Variants in GRID2 observed in about 807,000 individuals in gnomAD.
The protein encoded by GRID2 is glutamate ionotropic receptor delta type subunit 2, also known as glutamate receptor ionotropic, delta-2.
In GRID2, 33 loss-of-function variants were observed where a neutral mutation model predicts 114.8. That is an observed-to-expected ratio of 0.29 (90% CI 0.22 to 0.38). GRID2 has a LOEUF of 0.38. GRID2 is among the 10% of genes least tolerant of loss of function. The probability of loss-of-function intolerance (pLI) is 1.00; values close to 1 mark genes in which losing one functional copy is unlikely to be tolerated. For missense variants in GRID2, 1,184 were observed against 1,257.7 expected (o/e 0.94, Z 0.89); for synonymous variants, 505 against 449.9 (o/e 1.12, Z -1.55).
chr4:92,586,524 GT>G (rs931144232), intron 1 of GRID2, among the ~76,000 whole-genome samples: 1 of 151,800 alleles, frequency 6.6e-6, no homozygotes, highest in African/African-American at 2.4e-5. Context: ...ACATAATTAT[GT>G]TTTTTTAACA....
intron 1 of GRID2, among the ~76,000 whole-genome samples, chr4:93,784,276 T>C (rs1036462761): frequency 2.0e-5 from 3 of 152,022 alleles, no homozygotes; most frequent in African/African-American, 7.3e-5. Context: ...TACTAGATGA[T>C]CTTATTAAAT....
intron 1 of GRID2, among the ~76,000 whole-genome samples, chr4:92,493,054 T>C (rs1723221886): frequency 7.0e-6 from 1 of 143,730 alleles, no homozygotes; most frequent in South Asian, 2.1e-4. Flanking sequence ...GCTTGAACCC[T>C]GGAGGCAGAG....
chr4:92,816,448 A>G (rs1273048423), intron 2 of GRID2, among the ~76,000 whole-genome samples: 1 of 151,970 alleles, frequency 6.6e-6, no homozygotes, highest in Non-Finnish European at 1.5e-5. Flanking sequence ...TCATACATTA[A>G]TGCATGTTTC....
chr4:92,852,757 GAAT>G (rs1743916083), intron 2 of GRID2, among the ~76,000 whole-genome samples: 1 of 151,798 alleles, frequency 6.6e-6, no homozygotes, highest in South Asian at 2.1e-4. Flanking sequence ...AACCACACTG[GAAT>G]ATTATGAAGA....
intron 14 of GRID2, among the ~76,000 whole-genome samples, chr4:93,685,345 C>T (rs1247199710): frequency 1.3e-5 from 2 of 152,012 alleles, no homozygotes; most frequent in Non-Finnish European, 2.9e-5. Context: ...GTGCTGTTAC[C>T]TGTCTCTTCC....
intron 10 of GRID2, among the ~76,000 whole-genome samples, chr4:93,454,231 T>C (rs909409183): frequency 1.3e-5 from 2 of 152,074 alleles, no homozygotes; most frequent in African/African-American, 4.8e-5. Flanking sequence ...CAGCAAAATT[T>C]CACACTGTTT....
At chr4:93,808,582 A>G (rs1735075915) in exon 2 of GRID2, 1 of 152,234 alleles carries the variant, frequency 6.6e-6, no homozygotes, top group Non-Finnish European at 1.5e-5. Context: ...CTTCCTGGAT[A>G]TCTAGTTTCA....
chr4:93,615,639 CAA>C (rs58667569), intron 13 of GRID2, among the ~76,000 whole-genome samples: 24 of 117,388 alleles, frequency 2.0e-4, no homozygotes, highest in Non-Finnish European at 2.2e-4. Context: ...GCCTTCACCC[CAA>C]AAAAAAAAAA....
intron 2 of GRID2, among the ~76,000 whole-genome samples, chr4:92,728,986 C>T (rs867986734): frequency 2.6e-4 from 40 of 151,774 alleles, no homozygotes; most frequent in African/African-American, 8.9e-4. Flanking sequence ...TTCCATAGTG[C>T]TTAGGATAAT....
chr4:92,773,314 T>A (rs1001156098), intron 2 of GRID2, among the ~76,000 whole-genome samples: 1 of 152,194 alleles, frequency 6.6e-6, no homozygotes, highest in African/African-American at 2.4e-5. Context: ...TTTAACAGAT[T>A]AGGTTCTAGT....
chr4:93,465,214 C>A (rs990909479), intron 11 of GRID2, among the ~76,000 whole-genome samples: 2 of 152,158 alleles, frequency 1.3e-5, no homozygotes, highest in Non-Finnish European at 2.9e-5. Context: ...GGGTCAAATA[C>A]ATACTAAGTT....
intron 2 of GRID2, among the ~76,000 whole-genome samples, chr4:92,726,724 G>A (rs1736086114): frequency 6.6e-6 from 1 of 152,098 alleles, no homozygotes; most frequent in Non-Finnish European, 1.5e-5. Context: ...AGTTACTAAA[G>A]CAGTTAATCC....
chr4:92,982,022 TAAA>T lies in GRID2; in HGVS notation c.245-102952_245-102950del, dbSNP rs1161216679. On this transcript the variant is annotated intron_variant, in intron 2 of 15. Coordinates refer to ENST00000282020, the MANE Select transcript of GRID2 (RefSeq NM_001510.4). ...GTATCTTCACAGTCTAAAGTACTGG[TAAA>T]AAAAAAAAAAAAAAAAAAAAGAAAA... 7.4e-3 allele frequency among the ~76,000 whole-genome samples: 591 copies of T among 80,174 alleles called. 5 individuals are homozygous for T. Among genetic ancestry groups the T allele is most frequent in the African/African-American group, 0.026 (570 of 21,594 alleles). 52.6% of individuals were successfully genotyped at this position (80,174 alleles called of 152,430 possible).
At chr4:93,555,290 C>G (rs1348641732) in intron 13 of GRID2, among the ~76,000 whole-genome samples, 1 of 152,142 alleles carries the variant, frequency 6.6e-6, no homozygotes, top group African/African-American at 2.4e-5. Flanking sequence ...GGGGCTGAAG[C>G]CAGGGAGCCA....
intron 8 of GRID2, among the ~76,000 whole-genome samples, chr4:93,323,332 G>T (rs1174713976): frequency 1.3e-5 from 2 of 152,062 alleles, no homozygotes; most frequent in Non-Finnish European, 2.9e-5. Flanking sequence ...ATTTTTGTCA[G>T]GTTTGTCAAA....
intron 4 of GRID2, among the ~76,000 whole-genome samples, chr4:93,163,651 A>C (rs1011592390): frequency 6.6e-6 from 1 of 151,396 alleles, no homozygotes; most frequent in East Asian, 1.9e-4. Context: ...ATGACTGTAT[A>C]TTTTTTATGA....
At chr4:93,506,156 T>C (rs1337349128) in intron 12 of GRID2, among the ~76,000 whole-genome samples, 1 of 152,170 alleles carries the variant, frequency 6.6e-6, no homozygotes, top group Non-Finnish European at 1.5e-5. Context: ...CATCTACCCT[T>C]CCCAAGGGCA....
At chr4:93,195,563 AGAT>A (rs1356542333) in intron 4 of GRID2, among the ~76,000 whole-genome samples, 1 of 152,226 alleles carries the variant, frequency 6.6e-6, no homozygotes, top group Non-Finnish European at 1.5e-5. Flanking sequence ...CAGGCAGAGA[AGAT>A]GAGACACAGC....
chr4:92,703,464 A>G (rs746017126), intron 2 of GRID2, among the ~76,000 whole-genome samples: 15 of 152,068 alleles, frequency 9.9e-5, no homozygotes, highest in Non-Finnish European at 1.8e-4. Context: ...GCCTTTAAAG[A>G]ACTTTTTTAA....
Sources: allele counts gnomAD v4.1 joint callset (sites outside exome capture counted in the v4.1 genomes callset), GRCh38; gene constraint gnomAD v4.1.1; transcripts MANE v1.5; gene names NCBI Gene and HGNC (gene_info 2026-07-23, HGNC 2026-07-21).